Variants in SPAG16 observed in about 807,000 individuals in gnomAD.
The protein encoded by SPAG16 is sperm-associated antigen 16 protein.
SPAG16 carries 86 observed loss-of-function variants against 80.4 expected under a neutral mutation model. That is an observed-to-expected ratio of 1.07 (90% confidence interval 0.90 to 1.28). The LOEUF (loss-of-function observed/expected upper bound fraction) is 1.28, where lower values mean the gene tolerates loss of function less well. Ranked by LOEUF, SPAG16 falls within the 50% of genes most tolerant of loss-of-function variation. SPAG16 has a pLI of 0.00. For missense variants in SPAG16, 870 were observed against 765.3 expected, an observed-to-expected ratio of 1.14 and a Z score of -1.61; for synonymous variants, 294 against 265.9, an observed-to-expected ratio of 1.11 and a Z score of -1.03.
intron 10 of SPAG16, among the ~76,000 whole-genome samples, chr2:213,835,873 G>A (rs1178187502): frequency 6.6e-6 from 1 of 152,134 alleles, no homozygotes; most frequent in African/African-American, 2.4e-5. Context: ...AGCAGAGTAA[G>A]AATGGAAGTT....
At chr2:213,325,411 G>A (rs1285204549) in intron 5 of SPAG16, among the ~76,000 whole-genome samples, 1 of 151,986 alleles carries the variant, frequency 6.6e-6, no homozygotes, top group Non-Finnish European at 1.5e-5. Context: ...GAAGCTAGAA[G>A]TTAATTTTCT....
In SPAG16 at chr2:213,484,558, C is replaced by T. The variant is rs937432867; in HGVS notation, c.943-5405C>T. ...AAACGTCTCCATTTTTGGTAAATTC[C>T]TCTCCACATGGGAAATTAAGACAAG... On this transcript the variant is annotated intron_variant, in intron 9 of 15. Transcript: ENST00000331683. Among the ~76,000 whole-genome samples, 15 of 152,132 alleles carry T rather than the reference C, an allele frequency of 9.9e-5. 1 individual carries two copies. The highest frequency in any genetic ancestry group is 3.6e-4 in the African/African-American group (15 of 41,418).
intron 2 of SPAG16, among the ~76,000 whole-genome samples, chr2:213,296,476 C>T (rs745586350): frequency 4.6e-5 from 7 of 152,130 alleles, no homozygotes; most frequent in Non-Finnish European, 7.4e-5. Context: ...TCAGTTGAAG[C>T]GGAGGCCTTA....
intron 12 of SPAG16, among the ~76,000 whole-genome samples, chr2:213,980,015 G>C (rs1461826951): frequency 6.6e-6 from 1 of 151,460 alleles, no homozygotes; most frequent in Non-Finnish European, 1.5e-5. Flanking sequence ...AACATGTATG[G>C]CATTGCCTAT....
chr2:214,172,050 A>G (rs540683257), intron 15 of SPAG16, among the ~76,000 whole-genome samples: 3 of 152,026 alleles, frequency 2.0e-5, no homozygotes, highest in Non-Finnish European at 4.4e-5. Context: ...ATCTCATGTT[A>G]CACATTAGAT....
At chr2:213,732,543 C>G (rs1270408682) in intron 10 of SPAG16, among the ~76,000 whole-genome samples, 2 of 152,166 alleles carry the variant, frequency 1.3e-5, no homozygotes, top group Non-Finnish European at 1.5e-5. Flanking sequence ...ATTGCCTTGG[C>G]TATTCAGGCT....
chr2:214,366,456 G>A (rs1699489386), intron 15 of SPAG16, among the ~76,000 whole-genome samples: 1 of 152,110 alleles, frequency 6.6e-6, no homozygotes, highest in Admixed American at 6.6e-5. Flanking sequence ...AATTTTCTTA[G>A]AGAACGATTA....
intron 9 of SPAG16, among the ~76,000 whole-genome samples, chr2:213,432,317 G>C (rs955178757): frequency 6.6e-6 from 1 of 151,872 alleles, no homozygotes; most frequent in Non-Finnish European, 1.5e-5. Flanking sequence ...TTTTTGAAAA[G>C]ATAAACAAAA....
intron 8 of SPAG16, 45 bp downstream of exon 8, chr2:213,364,190 G>T: frequency 8.3e-7 from 1 of 1,201,202 alleles, no homozygotes; most frequent in South Asian, 1.9e-5. Flanking sequence ...ATAGTTTGGT[G>T]ATTTCTCAAC....
chr2:213,737,628 T>C (rs369545525), intron 10 of SPAG16, among the ~76,000 whole-genome samples: 4 of 151,752 alleles, frequency 2.6e-5, no homozygotes, highest in African/African-American at 4.8e-5. Context: ...GCTGGGACTA[T>C]AGGCGCCCGC....
At chr2:213,818,392 A>T (rs953409980) in intron 10 of SPAG16, among the ~76,000 whole-genome samples, 1 of 152,086 alleles carries the variant, frequency 6.6e-6, no homozygotes, top group Non-Finnish European at 1.5e-5. Context: ...CATTTCTCCT[A>T]AAAATCATTT....
In SPAG16 at chr2:213,930,083, C is replaced by G. The variant is rs1460358600; in HGVS notation, c.1338C>G (p.Ser446=). The change falls in exon 12 of 16, where the codon TCC becomes TCG. Residue 446 remains serine, a synonymous_variant. Coordinates refer to ENST00000331683, the MANE Select transcript of SPAG16 (RefSeq NM_024532.5). ...CAGTGTGGTCCTGCACATGGCACTC[C>G]TGCGGCAATTTTGTGGCTTCCTCCT... The part of the protein sequence containing the change: ...SRAVWSCTWH[S]CGNFVASSSL... 6.2e-7 allele frequency: 1 copy of G among 1,613,976 alleles called. No individual in the cohort carries two copies. Among genetic ancestry groups the G allele is most frequent in the Admixed American group, 1.7e-5 (1 of 59,996 alleles).
chr2:213,485,394 T>A (rs530296935), intron 9 of SPAG16, among the ~76,000 whole-genome samples: 1 of 152,282 alleles, frequency 6.6e-6, no homozygotes, highest in Non-Finnish European at 1.5e-5. Flanking sequence ...ATATGGTCCC[T>A]TTAGTTTCTT....
chr2:214,041,432 T>A (rs1477905262), intron 13 of SPAG16, among the ~76,000 whole-genome samples: 1 of 147,298 alleles, frequency 6.8e-6, no homozygotes, highest in Non-Finnish European at 1.5e-5. Flanking sequence ...ATGGTCTAGG[T>A]TGGTGATTTG....
At chr2:214,038,938 A>G (rs934649466) in intron 13 of SPAG16, among the ~76,000 whole-genome samples, 4 of 152,154 alleles carry the variant, frequency 2.6e-5, no homozygotes, top group African/African-American at 9.7e-5. Context: ...AATCCAGTCT[A>G]TCATTGACGG....
chr2:213,751,058 C>T (rs1286106684), intron 10 of SPAG16, among the ~76,000 whole-genome samples: 1 of 151,950 alleles, frequency 6.6e-6, no homozygotes, highest in Non-Finnish European at 1.5e-5. Context: ...GTTTATACTA[C>T]AAAAATGTAG....
chr2:213,679,819 A>G (rs945538114), intron 10 of SPAG16, among the ~76,000 whole-genome samples: 2 of 152,182 alleles, frequency 1.3e-5, no homozygotes, highest in African/African-American at 4.8e-5. Context: ...CGAAGGGTAA[A>G]GTACATGGAA....
intron 10 of SPAG16, among the ~76,000 whole-genome samples, chr2:213,563,262 C>T (rs557074255): frequency 1.3e-5 from 2 of 151,172 alleles, no homozygotes; most frequent in African/African-American, 4.8e-5. Context: ...ATTTTTTTTT[C>T]ACATATGCCA....
chr2:214,049,745 C>T lies in SPAG16; in HGVS notation c.1527+35668C>T, dbSNP rs139717204. Among the ~76,000 whole-genome samples, 292 of 152,300 alleles carry T rather than the reference C, an allele frequency of 1.9e-3. 1 individual carries two copies. The highest frequency in any genetic ancestry group is 6.7e-3 in the African/African-American group (280 of 41,556). ...TATTGTGAGAAAGTTGGACGCAGCC[C>T]TGGGGACTCCTGTGAGCAGTATCTC... On this transcript the variant is annotated intron_variant, in intron 13 of 15. Coordinates refer to ENST00000331683, the MANE Select transcript of SPAG16 (RefSeq NM_024532.5).
Sources: gnomAD v4.1 joint callset for allele counts (sites outside exome capture counted in the v4.1 genomes callset) on GRCh38, gnomAD v4.1.1 for gene constraint, MANE v1.5 for transcripts, NCBI Gene and HGNC (gene_info 2026-07-23, HGNC 2026-07-21) for gene names.